Variants in FKBP15 observed in about 807,000 individuals in gnomAD.
FKBP15 encodes FKBP prolyl isomerase family member 15.
In FKBP15, 106 loss-of-function variants were observed where a neutral mutation model predicts 158.1. That is an observed-to-expected ratio of 0.67 (90% CI 0.57 to 0.79). The LOEUF (loss-of-function observed/expected upper bound fraction) is 0.79, where lower values mean the gene tolerates loss of function less well. Ranked by LOEUF, FKBP15 falls within the 30% of genes least tolerant of loss-of-function variation. The probability of loss-of-function intolerance (pLI) is 0.00; values close to 1 mark genes in which losing one functional copy is unlikely to be tolerated. For missense variants in FKBP15, 1,287 were observed against 1,479.1 expected, an observed-to-expected ratio of 0.87 and a Z score of 2.13; for synonymous variants, 547 against 548.6, an observed-to-expected ratio of 1.00 and a Z score of 0.04.
At chr9:113,168,758 C>G (rs891208958) in intron 26 of FKBP15, among the ~76,000 whole-genome samples, 5 of 152,218 alleles carry the variant, frequency 3.3e-5, no homozygotes, top group Non-Finnish European at 7.3e-5. Flanking sequence ...CCAGAACCTA[C>G]AGCCAGAGTC....
intron 20 of FKBP15, 147 bp downstream of exon 20, chr9:113,178,483 T>C: frequency 1.4e-6 from 1 of 712,708 alleles, no homozygotes; most frequent in Admixed American, 3.1e-5. Context: ...AACAATCATG[T>C]AGGTTTTATA....
chr9:113,171,413 A>G (rs947946410), intron 24 of FKBP15, among the ~76,000 whole-genome samples, 168 bp downstream of exon 24: 6 of 152,254 alleles, frequency 3.9e-5, no homozygotes, highest in African/African-American at 1.4e-4. Context: ...TGACAAAGTG[A>G]GACTCCGTCT....
chr9:113,176,424 T>C, intron 21 of FKBP15, 113 bp downstream of exon 21: 1 of 1,259,392 alleles, frequency 7.9e-7, no homozygotes. Flanking sequence ...ATTTTACACT[T>C]TTCTATATTA....
rs1378553189 is a variant in FKBP15, at chr9:113,166,041, G to A, written c.*37C>T. On this transcript the variant is annotated 3_prime_UTR_variant, in exon 28 of 28. Transcript: ENST00000238256. ...CTGTGCAAAATCATGCTTAGGGAAGGGTTGCAGAGAAACCTTTGCACCAGT... is the reference window on the plus strand; with the variant it reads ...CTGTGCAAAATCATGCTTAGGGAAGAGTTGCAGAGAAACCTTTGCACCAGT... The A allele has an allele frequency of 1.9e-6, 3 of 1,585,776 alleles. No individual in the cohort carries two copies. The highest frequency in any genetic ancestry group is 8.6e-7 in the Non-Finnish European group (1 of 1,160,124).
intron 4 of FKBP15, among the ~76,000 whole-genome samples, chr9:113,203,654 A>G (rs1830835508): frequency 6.6e-6 from 1 of 151,700 alleles, no homozygotes; most frequent in Non-Finnish European, 1.5e-5. Context: ...CAGGCTCCCG[A>G]GCAGCTGAGA....
In FKBP15 at chr9:113,173,482, G is replaced by A. The variant is rs1830249411; in HGVS notation, c.2503C>T (p.Gln835Ter). 1 of 1,613,718 alleles carries A rather than the reference G, an allele frequency of 6.2e-7. No individual in the cohort carries two copies. The highest frequency in any genetic ancestry group is 8.5e-7 in the Non-Finnish European group (1 of 1,179,658). ...QEVCAQRDAY[Q>*]QKLVQLQEKC... Reference sequence around the variant, plus strand: ...TCCTGAAGTTGTACCAGCTTCTGCTGGTAGGCATCTCTCTGTGCGCACACC... The same window carrying A: ...TCCTGAAGTTGTACCAGCTTCTGCTAGTAGGCATCTCTCTGTGCGCACACC... The change falls in exon 23 of 28, where the codon CAG (glutamine) becomes TAG (stop). Residue 835 changes from glutamine (Q) to a stop codon, truncating the protein, a stop_gained. Coordinates refer to ENST00000238256, the MANE Select transcript of FKBP15 (RefSeq NM_015258.2). LOFTEE classifies it high-confidence loss of function.
At position 113,184,304 on chromosome 9, in the gene FKBP15, C is replaced by T. The variant is rs1159410130; in HGVS notation, c.1704G>A (p.Gln568=). Residue 568 remains glutamine (Q), a synonymous_variant, in exon 17 of 28, where the codon CAG becomes CAA. Coordinates refer to ENST00000238256, the MANE Select transcript of FKBP15 (RefSeq NM_015258.2). The surrounding 1 kb of genome is among the most constrained non-coding windows in gnomAD (Gnocchi z 4.5). ...METSMIMSNI[Q]RIIQENERLK... The stretch of plus-strand genomic sequence containing the variant: ...TAATCACCCTCACCTGAATGATTCG[C>T]TGGATGTTGCTCATAATCATGCTTG... 1.9e-6 allele frequency: 3 copies of T among 1,597,022 alleles called. No homozygotes were observed. Among genetic ancestry groups the T allele is most frequent in the South Asian group, 2.3e-5 (2 of 88,098 alleles).
In FKBP15 at chr9:113,211,487, C is replaced by A. The variant is rs772702348; in HGVS notation, c.159G>T (p.Thr53=). 1.7e-5 allele frequency: 27 copies of A among 1,606,580 alleles called. No homozygotes were observed. The highest frequency in any genetic ancestry group is 2.1e-5 in the Non-Finnish European group (25 of 1,176,698). Residue 53 remains threonine, a synonymous_variant, in exon 2 of 28, where the codon ACG becomes ACT. Transcript: ENST00000238256. The part of the protein sequence containing the change: ...APKQPKKGQG[T]AATGNQATPK... ...ACACTCTTAACTTACCTGTTGCTGCCGTTCCCTGGCCTTTCTTAGGCTGTT... is the reference window on the plus strand; with the variant it reads ...ACACTCTTAACTTACCTGTTGCTGCAGTTCCCTGGCCTTTCTTAGGCTGTT...
At chr9:113,168,678 T>C in intron 26 of FKBP15, 122 bp from the exon 27 acceptor site, 3 of 794,072 alleles carry the variant, frequency 3.8e-6, no homozygotes, top group Non-Finnish European at 6.1e-6. Flanking sequence ...TGCTCAGGAA[T>C]TCCTCCCACC....
At position 113,165,932 on chromosome 9, in the gene FKBP15, G is replaced by A; in HGVS notation, c.*146C>T. The A allele has an allele frequency of 1.5e-6, 1 of 652,136 alleles. No homozygotes were observed. The highest frequency in any genetic ancestry group is 2.6e-6 in the Non-Finnish European group (1 of 388,450). 40.4% of individuals were successfully genotyped at this position (652,136 alleles called of 1,614,324 possible). A position where few individuals can be genotyped will look rare whatever the true frequency, so the allele number is the denominator to read the frequency against. Reference sequence around the variant, plus strand: ...TGGCGGGGGTGGGGCTCAGAAGGTGGCCAACCCACCCTCTGAGCCCAAATA... The same window carrying A: ...TGGCGGGGGTGGGGCTCAGAAGGTGACCAACCCACCCTCTGAGCCCAAATA... On this transcript the variant is annotated 3_prime_UTR_variant, in exon 28 of 28. Coordinates refer to ENST00000238256, the MANE Select transcript of FKBP15 (RefSeq NM_015258.2).
chr9:113,196,474 C>T (rs1050194769), intron 9 of FKBP15, among the ~76,000 whole-genome samples: 8 of 151,586 alleles, frequency 5.3e-5, no homozygotes, highest in African/African-American at 1.9e-4. Flanking sequence ...ATCTCCGCCT[C>T]CCAGGTTCAA....
intron 4 of FKBP15, among the ~76,000 whole-genome samples, chr9:113,205,847 T>A (rs1434097732): frequency 1.3e-5 from 2 of 152,192 alleles, no homozygotes; most frequent in African/African-American, 4.8e-5. Context: ...TGAAAAGGAA[T>A]GAAATACTGA....
chr9:113,181,326 C>T (rs1025152362), intron 19 of FKBP15, among the ~76,000 whole-genome samples: 4 of 152,136 alleles, frequency 2.6e-5, no homozygotes, highest in East Asian at 3.8e-4. Context: ...AAACTATGAC[C>T]TATGAGCCAA....
intron 1 of FKBP15, among the ~76,000 whole-genome samples, chr9:113,220,636 G>C (rs1260839767): frequency 6.6e-6 from 1 of 152,190 alleles, no homozygotes; most frequent in Non-Finnish European, 1.5e-5. Flanking sequence ...GTCCCTGTCC[G>C]GTGAGGACTC....
intron 4 of FKBP15, chr9:113,206,206 G>A: frequency 2.4e-6 from 1 of 425,228 alleles, no homozygotes; most frequent in East Asian, 4.1e-5. Flanking sequence ...ATTTGTGTAT[G>A]TGTGTGTACA....
chr9:113,206,997 G>A, intron 3 of FKBP15: 1 of 513,432 alleles, frequency 1.9e-6, no homozygotes, highest in East Asian at 3.1e-5. Flanking sequence ...AGCTGTTGAG[G>A]GTACAAGCAC....
Sources: gnomAD v4.1 joint callset for allele counts (sites outside exome capture counted in the v4.1 genomes callset) on GRCh38, gnomAD v4.1.1 for gene constraint, Gnocchi (gnomAD v3.1) non-coding constraint, MANE v1.5 for transcripts, NCBI Gene and HGNC (gene_info 2026-07-23, HGNC 2026-07-21) for gene names.